ADAM10: variants seen among roughly 807,000 people sequenced by gnomAD.
ADAM10 encodes the protein disintegrin and metalloproteinase domain-containing protein 10.
A neutral mutation model predicts 90.1 loss-of-function variants in ADAM10; 17 were observed. That is an observed-to-expected ratio of 0.19 (90% CI 0.13 to 0.28). The LOEUF (loss-of-function observed/expected upper bound fraction) is 0.28, where lower values mean the gene tolerates loss of function less well. Among genes scored for constraint, ADAM10 ranks in the 10% least tolerant of loss-of-function variants. ADAM10 has a pLI of 1.00. For synonymous variants in ADAM10, 310 were observed against 298.6 expected, an observed-to-expected ratio of 1.04 and a Z score of -0.40; for missense variants, 610 against 914.3, an observed-to-expected ratio of 0.67 and a Z score of 4.29.
intron 15 of ADAM10, among the ~76,000 whole-genome samples, chr15:58,598,964 C>T (rs1471699453): frequency 6.6e-6 from 1 of 152,180 alleles, no homozygotes; most frequent in African/African-American, 2.4e-5. Context: ...TGTATGTCCC[C>T]ACAAGCATCA....
At chr15:58,668,149 G>C (rs1391952716) in intron 4 of ADAM10, among the ~76,000 whole-genome samples, 1 of 152,060 alleles carries the variant, frequency 6.6e-6, no homozygotes, top group African/African-American at 2.4e-5. Context: ...TTATTATTCT[G>C]ATCAATGACA....
chr15:58,697,924 G>C (rs1219200343), intron 2 of ADAM10, among the ~76,000 whole-genome samples: 1 of 152,062 alleles, frequency 6.6e-6, no homozygotes, highest in Non-Finnish European at 1.5e-5. Flanking sequence ...GCTGTAAACA[G>C]CCGAATAATT....
intron 1 of ADAM10, among the ~76,000 whole-genome samples, chr15:58,726,487 C>T (rs570689926): frequency 1.5e-5 from 2 of 136,332 alleles, no homozygotes; most frequent in East Asian, 4.8e-4. Context: ...ATCGCTTAAA[C>T]GCAGGAGGCA....
At chr15:58,707,090 G>GA (rs77864912) in intron 2 of ADAM10, among the ~76,000 whole-genome samples, 72,186 of 148,862 alleles carry the variant, frequency 0.48, 19,968 homozygotes, top group Non-Finnish European at 0.64. Context: ...TTGGGGGGGG[G>GA]AAAAAAGCTC....
intron 3 of ADAM10, among the ~76,000 whole-genome samples, chr15:58,680,890 C>T (rs780564006): frequency 7.9e-5 from 12 of 152,156 alleles, no homozygotes; most frequent in Non-Finnish European, 1.6e-4. Flanking sequence ...ACAATCATAA[C>T]TCACTGTAGC....
At chr15:58,599,125 C>A (rs61664367) in intron 15 of ADAM10, among the ~76,000 whole-genome samples, 1 of 142,926 alleles carries the variant, frequency 7.0e-6, no homozygotes, top group Non-Finnish European at 1.5e-5. Context: ...AGGAGTAAGT[C>A]CAGCCTGGGC....
Position 58,611,755 on chromosome 15 carries a change from T to C in ADAM10, c.1695+53A>G. The C allele has an allele frequency of 1.9e-6, 3 of 1,558,936 alleles. No homozygotes were observed. The East Asian group carries it at 6.8e-5, about 35-fold the overall frequency. On this transcript the variant is annotated intron_variant, in intron 12 of 15. Transcript: ENST00000260408. ...TAGCTTTAAGCATCAATAATTCTTCTGAAAAACAAGTTTTCTAAAATTAAA... is the reference window on the plus strand; with the variant it reads ...TAGCTTTAAGCATCAATAATTCTTCCGAAAAACAAGTTTTCTAAAATTAAA...
intron 2 of ADAM10, among the ~76,000 whole-genome samples, chr15:58,693,579 T>C (rs1398877556): frequency 1.3e-5 from 2 of 151,898 alleles, no homozygotes; most frequent in African/African-American, 4.8e-5. Flanking sequence ...TAAAGAAAAA[T>C]TAAATTGAAT....
Position 58,592,219 on chromosome 15 carries a change from G to A in ADAM10, c.*5328C>T, listed in dbSNP as rs1207849289. 1 of 152,218 alleles carries A rather than the reference G, an allele frequency of 6.6e-6. No homozygotes were observed. The highest frequency in any genetic ancestry group is 2.4e-5 in the African/African-American group (1 of 41,452). 9.4% of individuals were successfully genotyped at this position (152,218 alleles called of 1,614,324 possible). On this transcript the variant is annotated 3_prime_UTR_variant, in exon 16 of 16. Coordinates refer to ENST00000260408, the MANE Select transcript of ADAM10 (RefSeq NM_001110.4). ...AATCTGATTGCTCTCACTTTGTGAG[G>A]TTAGCAGTCACTGGCGATTATTGTC...
chr15:58,696,713 C>T (rs1897990024), intron 2 of ADAM10, among the ~76,000 whole-genome samples: 1 of 152,138 alleles, frequency 6.6e-6, no homozygotes, highest in Non-Finnish European at 1.5e-5. Context: ...GATCCACCCA[C>T]TTCAGCCTGG....
intron 8 of ADAM10, among the ~76,000 whole-genome samples, chr15:58,637,772 A>T (rs1384669525): frequency 6.6e-6 from 1 of 152,126 alleles, no homozygotes; most frequent in Non-Finnish European, 1.5e-5. Context: ...ATCTGGAGTC[A>T]AAAGGTCCAG....
At chr15:58,625,689 C>CA (rs1292050385) in intron 10 of ADAM10, among the ~76,000 whole-genome samples, 1 of 152,082 alleles carries the variant, frequency 6.6e-6, no homozygotes, top group African/African-American at 2.4e-5. Context: ...TATGTTTATA[C>CA]AAAAAACCTG....
intron 1 of ADAM10, among the ~76,000 whole-genome samples, chr15:58,728,636 G>C (rs1199519885): frequency 6.6e-6 from 1 of 151,910 alleles, no homozygotes; most frequent in Non-Finnish European, 1.5e-5. Context: ...AGGTATATGG[G>C]TTTCTGGCCT....
intron 1 of ADAM10, among the ~76,000 whole-genome samples, chr15:58,741,340 G>A (rs527765260): frequency 6.6e-6 from 1 of 152,230 alleles, no homozygotes; most frequent in South Asian, 2.1e-4. Flanking sequence ...AAAAAAAAGT[G>A]TTAGTATATC....
chr15:58,616,533 A>G (rs1265910695), intron 11 of ADAM10, among the ~76,000 whole-genome samples: 1 of 152,236 alleles, frequency 6.6e-6, no homozygotes. Context: ...CTGAACAACC[A>G]ATGAGTCAAT....
intron 1 of ADAM10, among the ~76,000 whole-genome samples, chr15:58,723,772 G>A (rs531749676): frequency 2.6e-4 from 39 of 151,942 alleles, no homozygotes; most frequent in Non-Finnish European, 5.3e-4. Context: ...ACTGGGTAGA[G>A]AAGAGACACA....
At chr15:58,604,899 C>T (rs1375966959) in intron 14 of ADAM10, among the ~76,000 whole-genome samples, 4 of 152,062 alleles carry the variant, frequency 2.6e-5, no homozygotes, top group Admixed American at 6.6e-5. Flanking sequence ...CCACACCCTG[C>T]GAATTCATTT....
chr15:58,623,558 C>T (rs560075934), intron 10 of ADAM10, among the ~76,000 whole-genome samples: 1 of 152,288 alleles, frequency 6.6e-6, no homozygotes, highest in Admixed American at 6.5e-5. Context: ...CACATGGAAT[C>T]AACCCAAGTG....
At position 58,595,513 on chromosome 15, in the gene ADAM10, T is replaced by A. The variant is rs1331893453; in HGVS notation, c.*2034A>T. On this transcript the variant is annotated 3_prime_UTR_variant, in exon 16 of 16. Transcript: ENST00000260408. Reference sequence around the variant, plus strand: ...TTCCAAAGTGAACAAAAAAAGATACTGTATAAAACACAGTGGACATTAAAA... The same window carrying A: ...TTCCAAAGTGAACAAAAAAAGATACAGTATAAAACACAGTGGACATTAAAA... The A allele has an allele frequency of 6.6e-6, 1 of 152,196 alleles. No individual in the cohort carries two copies. Among genetic ancestry groups the A allele is most frequent in the Non-Finnish European group, 1.5e-5 (1 of 68,004 alleles). The allele number at this position is 152,196 out of a possible 1,614,324, so 9.4% of individuals were successfully genotyped here.
Sources: gnomAD v4.1 joint callset for allele counts (sites outside exome capture counted in the v4.1 genomes callset) on GRCh38, gnomAD v4.1.1 for gene constraint, MANE v1.5 for transcripts, NCBI Gene and HGNC (gene_info 2026-07-23, HGNC 2026-07-21) for gene names.